The following MYO6 variants were observed in gnomAD, a reference collection of about 807,000 sequenced individuals.
MYO6 encodes myosin VI, also known as unconventional myosin-VI.
MYO6 carries 74 observed loss-of-function variants against 178.7 expected under a neutral mutation model. The ratio of observed to expected loss-of-function variants is 0.41; its 90% confidence interval spans 0.34 to 0.50. The LOEUF (loss-of-function observed/expected upper bound fraction) is 0.50. Among genes scored for constraint, MYO6 ranks in the 20% least tolerant of loss-of-function variants. The pLI, the probability that MYO6 is intolerant of heterozygous loss-of-function variation, is 0.09. For synonymous variants in MYO6, 477 were observed against 504.6 expected (o/e 0.95, Z 0.73); for missense variants, 1,330 against 1,547.4 (o/e 0.86, Z 2.36).
intron 2 of MYO6, among the ~76,000 whole-genome samples, chr6:75,821,988 G>A (rs899903974): frequency 1.3e-5 from 2 of 151,696 alleles, no homozygotes; most frequent in Admixed American, 6.6e-5. Context: ...TTTTTGTACA[G>A]GAGTTTGTGT....
intron 19 of MYO6, among the ~76,000 whole-genome samples, chr6:75,872,547 A>G (rs998963515): frequency 1.3e-5 from 2 of 152,216 alleles, no homozygotes; most frequent in Non-Finnish European, 2.9e-5. Context: ...TCATAGAAAT[A>G]TGGCATACAT....
chr6:75,854,274 G>GC (rs1775541687), intron 11 of MYO6, among the ~76,000 whole-genome samples: 1 of 58,438 alleles, frequency 1.7e-5, no homozygotes, highest in African/African-American at 8.0e-5. Context: ...TAACTGCATT[G>GC]CTTTTTTTTT....
At chr6:75,767,507 G>T in intron 1 of MYO6, among the ~76,000 whole-genome samples, 1 of 148,984 alleles carries the variant, frequency 6.7e-6, no homozygotes, top group East Asian at 2.0e-4. Context: ...AAATACACAT[G>T]ATTTACAAAT....
chr6:75,885,130 T>C (rs1350830555), intron 23 of MYO6, among the ~76,000 whole-genome samples: 1 of 152,082 alleles, frequency 6.6e-6, no homozygotes, highest in Non-Finnish European at 1.5e-5. Flanking sequence ...CAAGATGGAG[T>C]TGGTTAGGTC....
intron 30 of MYO6, among the ~76,000 whole-genome samples, chr6:75,904,652 A>C (rs1370896207): frequency 6.6e-6 from 1 of 152,100 alleles, no homozygotes; most frequent in East Asian, 1.9e-4. Flanking sequence ...AAAGTTTTCA[A>C]CTTCTTTGCC....
chr6:75,868,342 C>T (rs150422244), intron 18 of MYO6, among the ~76,000 whole-genome samples: 46 of 151,658 alleles, frequency 3.0e-4, no homozygotes, highest in African/African-American at 7.5e-4. Context: ...ATTTCTGAAT[C>T]GACATTTGAT....
chr6:75,789,609 T>C (rs976422541), intron 1 of MYO6, among the ~76,000 whole-genome samples: 2 of 152,184 alleles, frequency 1.3e-5, no homozygotes, highest in African/African-American at 2.4e-5. Flanking sequence ...ATAAGCTTTT[T>C]TAAAATTAAT....
At position 75,841,337 on chromosome 6, in the gene MYO6, A is replaced by G. The variant is rs779365282; in HGVS notation, c.775A>G (p.Ile259Val). 6.2e-7 allele frequency: 1 copy of G among 1,613,868 alleles called. No individual in the cohort carries two copies. The highest frequency in any genetic ancestry group is 1.3e-5 in the African/African-American group (1 of 74,900). The change falls in exon 9 of 35, where the codon ATT becomes GTT. Residue 259 changes from isoleucine to valine, a missense_variant. Physicochemically the swap from Ile to Val is conservative, Grantham distance 29 (BLOSUM62 3). Around this residue, in one of 3 missense-constraint regions of MYO6, gnomAD observed 613 missense variants for 816.8 expected, o/e 0.75. Transcript: ENST00000369977. ...YRLCAGASED[I>V]REKLHLSSPD... ...GTTGTGTGCTGGTGCTTCTGAAGAT[A>G]TTAGAGAAAAACTTCATTTGAGTTC...
chr6:75,765,170 C>CTTTTTTTTT (rs71002762), intron 1 of MYO6, among the ~76,000 whole-genome samples: 3 of 57,684 alleles, frequency 5.2e-5, no homozygotes, highest in Non-Finnish European at 8.7e-5. Context: ...AAAAAAAAAG[C>CTTTTTTTTT]TTTTTTTTTT....
chr6:75,908,619 CTGATTA>C lies in MYO6; in HGVS notation c.3407_3412del (p.Tyr1137_Asp1138del), dbSNP rs1335568158. On this transcript the variant is annotated inframe_deletion and splice_region_variant, in exon 32 of 35. Coordinates refer to ENST00000369977, the MANE Select transcript of MYO6 (RefSeq NM_004999.4). ...GAGCAACGTGCTCCAAAGTCTGTTA[CTGATTA>C]TGGTAAAGAGAAATCTGTACTTTTG... 2.5e-6 allele frequency: 4 copies of C among 1,613,392 alleles called. No homozygotes were observed. The highest frequency in any genetic ancestry group is 3.4e-6 in the Non-Finnish European group (4 of 1,179,594).
At chr6:75,831,889 C>CAAAAAAAA (rs199741161) in intron 5 of MYO6, among the ~76,000 whole-genome samples, 16 of 95,198 alleles carry the variant, frequency 1.7e-4, no homozygotes, top group African/African-American at 5.8e-4. Flanking sequence ...TACCCTGTCT[C>CAAAAAAAA]AAAAAAAAAA....
Position 75,866,519 on chromosome 6 carries a change from T to C in MYO6, c.1675-7T>C, listed in dbSNP as rs1253096126. On this transcript the variant is annotated splice_region_variant and splice_polypyrimidine_tract_variant and intron_variant, in intron 16 of 34. Transcript: ENST00000369977. ...ATTTAATAACTCATATATGTATTGT[T>C]TTTCAGATTCCCAGAAAATCTAAGC... is the stretch of plus-strand genomic sequence containing the variant. 3 of 1,606,118 alleles carry C rather than the reference T, an allele frequency of 1.9e-6. No homozygotes were observed. In the South Asian group the frequency reaches 3.3e-5, roughly 18 times the overall value.
rs760293058 is a variant in MYO6 at position 75,862,716 on chromosome 6, G to C, written c.1667G>C (p.Arg556Pro). The change falls in exon 16 of 35, where the codon CGA becomes CCA. Residue 556 changes from arginine (R) to proline (P), a missense_variant. Arg to Pro is a moderately radical substitution (Grantham distance 103, BLOSUM62 -2). Coordinates refer to ENST00000369977, the MANE Select transcript of MYO6 (RefSeq NM_004999.4). ...AVHQKHKDHF[R>P]LTIPRKSKLA... ...CACCAAAAGCACAAGGATCATTTTC[G>C]ACTCACTGTGAGTTTTGCCATTCTG... The C allele has an allele frequency of 1.2e-6, 2 of 1,613,936 alleles. No homozygotes were observed. The highest frequency in any genetic ancestry group is 2.2e-5 in the East Asian group (1 of 44,854).
chr6:75,896,739 A>C (rs1464745370), intron 29 of MYO6, among the ~76,000 whole-genome samples: 1 of 152,208 alleles, frequency 6.6e-6, no homozygotes. Flanking sequence ...AGCAGATGCC[A>C]GGAGTATACT....
intron 1 of MYO6, among the ~76,000 whole-genome samples, chr6:75,787,990 G>T (rs1767843484): frequency 6.6e-6 from 1 of 150,868 alleles, no homozygotes; most frequent in Non-Finnish European, 1.5e-5. Context: ...TGAACTCCTG[G>T]GCTCAAGTAA....
intron 1 of MYO6, among the ~76,000 whole-genome samples, chr6:75,757,016 TG>T: frequency 7.1e-6 from 1 of 141,310 alleles, no homozygotes; most frequent in South Asian, 2.3e-4. Flanking sequence ...TGTGTATATA[TG>T]TATACACACA....
chr6:75,823,746 A>G (rs1289144640), intron 3 of MYO6, among the ~76,000 whole-genome samples: 1 of 152,218 alleles, frequency 6.6e-6, no homozygotes, highest in Non-Finnish European at 1.5e-5. Flanking sequence ...AGGCAAGCCT[A>G]AATTCTGATT....
At chr6:75,898,569 C>T (rs1581947482) in intron 30 of MYO6, among the ~76,000 whole-genome samples, 158 bp downstream of exon 30, 1 of 152,126 alleles carries the variant, frequency 6.6e-6, no homozygotes, top group Non-Finnish European at 1.5e-5. Flanking sequence ...TTCTCCCTCA[C>T]CCCACCCAAC....
At chr6:75,909,911 G>A (rs1390765753) in intron 32 of MYO6, among the ~76,000 whole-genome samples, 1 of 152,106 alleles carries the variant, frequency 6.6e-6, no homozygotes, top group Non-Finnish European at 1.5e-5. Context: ...TTTAATAGTG[G>A]AATTCTAGTG....
Sources: allele counts gnomAD v4.1 joint callset (sites outside exome capture counted in the v4.1 genomes callset), GRCh38; gene constraint gnomAD v4.1.1; regional missense constraint gnomAD v4.1.1; transcripts MANE v1.5; gene names NCBI Gene and HGNC (gene_info 2026-07-23, HGNC 2026-07-21).